The following VPS13C variants were observed in gnomAD, a reference collection of about 807,000 sequenced individuals.
The protein encoded by VPS13C is vacuolar protein sorting 13 homolog C, also known as intermembrane lipid transfer protein VPS13C.
A neutral mutation model predicts 456.8 loss-of-function variants in VPS13C; 358 were observed. The ratio of observed to expected loss-of-function variants is 0.78; its 90% CI spans 0.72 to 0.86. The LOEUF is 0.86. Ranked by LOEUF, VPS13C falls within the 40% of genes least tolerant of loss-of-function variation. VPS13C has a pLI of 0.00. For synonymous variants in VPS13C, 1,578 were observed against 1,486.7 expected (o/e 1.06, Z -1.41); for missense variants, 4,818 against 4,385.4 (o/e 1.10, Z -2.79).
intron 22 of VPS13C, 86 bp downstream of exon 22, chr15:61,981,256 T>G (rs2045877035): frequency 7.0e-7 from 1 of 1,423,938 alleles, no homozygotes; most frequent in Non-Finnish European, 9.3e-7. Flanking sequence ...TTTAGTGAAC[T>G]CTGAAGAAAA....
intron 66 of VPS13C, among the ~76,000 whole-genome samples, chr15:61,899,070 A>G (rs2042919042): frequency 1.8e-5 from 1 of 54,432 alleles, no homozygotes; most frequent in Non-Finnish European, 3.6e-5. Flanking sequence ...ACAAAGACAC[A>G]ACATACCAGA....
intron 26 of VPS13C, 136 bp from the exon 27 acceptor site, chr15:61,972,900 T>C: frequency 2.3e-6 from 2 of 886,972 alleles, no homozygotes; most frequent in Non-Finnish European, 3.3e-6. Context: ...AATAGCTGCC[T>C]TTTTTAAACT....
intron 82 of VPS13C, among the ~76,000 whole-genome samples, chr15:61,862,330 T>G (rs1894270124): frequency 6.6e-6 from 1 of 152,142 alleles, no homozygotes; most frequent in Non-Finnish European, 1.5e-5. Flanking sequence ...ATGATGATGA[T>G]TTTTCAATGT....
At chr15:61,920,919 C>T (rs1418953285) in intron 55 of VPS13C, among the ~76,000 whole-genome samples, 1 of 152,044 alleles carries the variant, frequency 6.6e-6, no homozygotes, top group Non-Finnish European at 1.5e-5. Context: ...TTCCTCAGAG[C>T]ATAGCTATTT....
chr15:61,997,445 T>C (rs1021892222), intron 16 of VPS13C, among the ~76,000 whole-genome samples: 1 of 152,150 alleles, frequency 6.6e-6, no homozygotes, highest in Non-Finnish European at 1.5e-5. Context: ...CCTACATTTC[T>C]ATATCCAGCA....
chr15:62,043,173 T>C (rs573043415), intron 2 of VPS13C, among the ~76,000 whole-genome samples: 130 of 152,238 alleles, frequency 8.5e-4, no homozygotes, highest in African/African-American at 2.9e-3. Context: ...GAGAAAAATA[T>C]TTAAATTTTT....
intron 13 of VPS13C, 50 bp from the exon 14 acceptor site, chr15:62,008,811 A>C: frequency 8.8e-7 from 1 of 1,134,526 alleles, no homozygotes; most frequent in Non-Finnish European, 1.2e-6. Flanking sequence ...TATATAAAAA[A>C]AAGACTAAAT....
Position 61,967,357 on chromosome 15 carries a change from A to G in VPS13C, c.2991+11T>C, listed in dbSNP as rs1356046401. The G allele has an allele frequency of 6.3e-7, 1 of 1,595,578 alleles. No individual in the cohort carries two copies. Among genetic ancestry groups the G allele is most frequent in the Non-Finnish European group, 8.6e-7 (1 of 1,168,232 alleles). On this transcript the variant is annotated intron_variant, in intron 29 of 84. Coordinates refer to ENST00000644861, the MANE Select transcript of VPS13C (RefSeq NM_020821.3). The stretch of plus-strand genomic sequence containing the variant: ...TAAACAATAAATATATAATCATTCT[A>G]TAGCCCTTACCTTAATATACTCCAC...
intron 65 of VPS13C, among the ~76,000 whole-genome samples, chr15:61,907,641 T>G (rs1284760713): frequency 6.6e-6 from 1 of 152,204 alleles, no homozygotes; most frequent in Admixed American, 6.5e-5. Flanking sequence ...ATCATAGCAA[T>G]GGAATTCATT....
intron 17 of VPS13C, 140 bp from the exon 18 acceptor site, chr15:61,991,234 A>G (rs2140421080): frequency 6.3e-6 from 4 of 637,202 alleles, no homozygotes; most frequent in Admixed American, 6.6e-5. Context: ...ATCCTCTAAT[A>G]TACTACAACT....
At chr15:61,907,177 A>T (rs766622853) in intron 66 of VPS13C, 87 bp downstream of exon 66, 12 of 1,593,194 alleles carry the variant, frequency 7.5e-6, no homozygotes, top group Admixed American at 1.7e-5. Flanking sequence ...TTTTAGTTCA[A>T]TTAGGACAAG....
Position 61,966,096 on chromosome 15 carries a change from T to G in VPS13C, c.3038A>C (p.Glu1013Ala). The G allele has an allele frequency of 6.2e-7, 1 of 1,603,758 alleles. No homozygotes were observed. Among genetic ancestry groups the G allele is most frequent in the Non-Finnish European group, 8.5e-7 (1 of 1,174,382 alleles). ...PSFQTAFGKT[E>A]QTVKVAFSSL... ...AGAATTTCTTACCTTAACTGTTTGTTCAGTTTTTCCAAAAGCAGTTTGAAA... is the reference window on the plus strand; with the variant it reads ...AGAATTTCTTACCTTAACTGTTTGTGCAGTTTTTCCAAAAGCAGTTTGAAA... The change falls in exon 30 of 85, where the codon GAA becomes GCA. Residue 1013 changes from glutamate (E) to alanine (A), a missense_variant. By Grantham distance (107) the Glu-to-Ala change is moderately radical. Coordinates refer to ENST00000644861, the MANE Select transcript of VPS13C (RefSeq NM_020821.3).
Position 61,880,835 on chromosome 15 carries a change from A to G in VPS13C, c.9888+8T>C, listed in dbSNP as rs1241277379. On this transcript the variant is annotated splice_region_variant and intron_variant, in intron 72 of 84. Coordinates refer to ENST00000644861, the MANE Select transcript of VPS13C (RefSeq NM_020821.3). ...TTTATATTTTCCCCAAGAAATAAAAATTTTTACCCGTCTTCTTTCAGCTTC... is the reference window on the plus strand; with the variant it reads ...TTTATATTTTCCCCAAGAAATAAAAGTTTTTACCCGTCTTCTTTCAGCTTC... 4 of 1,581,648 alleles carry G rather than the reference A, an allele frequency of 2.5e-6. No individual in the cohort carries two copies. Among genetic ancestry groups the G allele is most frequent in the Admixed American group, 2.0e-5 (1 of 51,072 alleles).
chr15:61,896,566 C>A (rs573841662), intron 66 of VPS13C, among the ~76,000 whole-genome samples: 1 of 152,138 alleles, frequency 6.6e-6, no homozygotes, highest in African/African-American at 2.4e-5. Context: ...CGGCGCACCA[C>A]GAGATTATAT....
Position 61,917,636 on chromosome 15 carries a change from C to G in VPS13C, c.7761-1G>C. ...AGCTGGCTGGATAAACAATTGACAT[C>G]TGCAGAAAGAGGAAACAGTGACAAT... On this transcript the variant is annotated splice_acceptor_variant, in intron 59 of 84. Transcript: ENST00000644861. LOFTEE classifies it high-confidence loss of function. The G allele has an allele frequency of 6.2e-7, 1 of 1,607,284 alleles. No homozygotes were observed. The highest frequency in any genetic ancestry group is 8.5e-7 in the Non-Finnish European group (1 of 1,174,928).
In VPS13C at chr15:61,973,500, T is replaced by C. The variant is rs2045616072; in HGVS notation, c.2571A>G (p.Thr857=). The C allele has an allele frequency of 6.2e-7, 1 of 1,612,842 alleles. No individual in the cohort carries two copies. The highest frequency in any genetic ancestry group is 1.1e-5 in the South Asian group (1 of 91,040). ...VSSIPIISGG[T]KGLLGTSLLL... ...ATAGTGAAGTACCAAGTAGACCTTT[T>C]GTACCACCTGAAATAATAGGAATTG... Residue 857 remains threonine (T), a synonymous_variant, in exon 26 of 85, where the codon ACA becomes ACG. Transcript: ENST00000644861.
chr15:61,979,812 G>A (rs2045819231), intron 22 of VPS13C, among the ~76,000 whole-genome samples: 1 of 152,018 alleles, frequency 6.6e-6, no homozygotes, highest in Admixed American at 6.6e-5. Flanking sequence ...TACAGACAAG[G>A]GTAGAGCTTT....
intron 16 of VPS13C, among the ~76,000 whole-genome samples, chr15:61,995,779 G>A (rs1432494284): frequency 6.6e-6 from 1 of 152,160 alleles, no homozygotes; most frequent in Non-Finnish European, 1.5e-5. Context: ...CCAACATCTT[G>A]CAATATTTTA....
At chr15:61,994,185 TTAGA>T (rs1233429318) in intron 16 of VPS13C, among the ~76,000 whole-genome samples, 2 of 152,174 alleles carry the variant, frequency 1.3e-5, no homozygotes, top group East Asian at 3.8e-4. Context: ...AAAATCAATG[TTAGA>T]TAGATCAAAT....
Sources: gnomAD v4.1 joint callset for allele counts (sites outside exome capture counted in the v4.1 genomes callset) on GRCh38, gnomAD v4.1.1 for gene constraint, MANE v1.5 for transcripts, NCBI Gene and HGNC (gene_info 2026-07-23, HGNC 2026-07-21) for gene names.